COL24A1: variants seen among roughly 807,000 people sequenced by gnomAD.
COL24A1 encodes collagen alpha-1(XXIV) chain.
A neutral mutation model predicts 253.9 loss-of-function variants in COL24A1; 224 were observed. That is an observed-to-expected ratio of 0.88 (90% CI 0.79 to 0.99). The LOEUF is 0.99. Ranked by LOEUF, COL24A1 falls within the 50% of genes least tolerant of loss-of-function variation. The probability of loss-of-function intolerance (pLI) is 0.00; values close to 1 mark genes in which losing one functional copy is unlikely to be tolerated. For missense variants in COL24A1, 2,131 were observed against 2,068.5 expected (o/e 1.03, Z -0.59); for synonymous variants, 685 against 673.7 (o/e 1.02, Z -0.26).
intron 12 of COL24A1, among the ~76,000 whole-genome samples, chr1:86,043,775 C>T (rs1382420362): frequency 3.3e-5 from 5 of 152,148 alleles, no homozygotes; most frequent in Non-Finnish European, 7.4e-5. Context: ...ATCCGCCCGC[C>T]TCGGCCCCCC....
chr1:85,915,443 T>C (rs2102965206), intron 24 of COL24A1, among the ~76,000 whole-genome samples: 1 of 152,290 alleles, frequency 6.6e-6, no homozygotes, highest in South Asian at 2.1e-4. Flanking sequence ...GTGAGATTTT[T>C]TTTTAGCCCC....
intron 19 of COL24A1, among the ~76,000 whole-genome samples, chr1:86,014,197 T>C (rs1352763924): frequency 2.6e-5 from 4 of 152,220 alleles, no homozygotes; most frequent in Non-Finnish European, 5.9e-5. Context: ...TACTGATTCG[T>C]TCTCATTCAC....
At chr1:86,030,978 A>C (rs1204268567) in intron 14 of COL24A1, among the ~76,000 whole-genome samples, 1 of 152,166 alleles carries the variant, frequency 6.6e-6, no homozygotes, top group Admixed American at 6.6e-5. Context: ...AAAGGCTATC[A>C]GCATACTGAA....
At chr1:85,770,274 A>C (rs543912736) in intron 53 of COL24A1, among the ~76,000 whole-genome samples, 5 of 151,054 alleles carry the variant, frequency 3.3e-5, no homozygotes, top group Non-Finnish European at 7.4e-5. Flanking sequence ...ACTGCAACTT[A>C]ATTATTCTGA....
At chr1:85,866,227 C>A (rs1309733678) in intron 37 of COL24A1, among the ~76,000 whole-genome samples, 1 of 152,216 alleles carries the variant, frequency 6.6e-6, no homozygotes, top group Non-Finnish European at 1.5e-5. Flanking sequence ...CGTGCCACTG[C>A]ACTTCTGGGT....
At chr1:85,990,886 G>T (rs1212185045) in intron 19 of COL24A1, among the ~76,000 whole-genome samples, 1 of 152,156 alleles carries the variant, frequency 6.6e-6, no homozygotes, top group Non-Finnish European at 1.5e-5. Flanking sequence ...CAAAGGTGAA[G>T]AATCAAGAAT....
intron 1 of COL24A1, among the ~76,000 whole-genome samples, chr1:86,153,175 G>T (rs1653002164): frequency 6.6e-6 from 1 of 152,040 alleles, no homozygotes; most frequent in Admixed American, 6.6e-5. Flanking sequence ...CATTTCCTTT[G>T]GTTACCTTTT....
At chr1:86,098,807 A>G (rs1236689404) in intron 5 of COL24A1, among the ~76,000 whole-genome samples, 2 of 152,222 alleles carry the variant, frequency 1.3e-5, no homozygotes, top group Non-Finnish European at 2.9e-5. Context: ...AATAAAAATG[A>G]ACAGTCTTCA....
chr1:85,915,452 C>T (rs928127277), intron 24 of COL24A1, among the ~76,000 whole-genome samples: 1 of 151,886 alleles, frequency 6.6e-6, no homozygotes, highest in Non-Finnish European at 1.5e-5. Context: ...TTTTTTAGCC[C>T]CCCACAATCA....
chr1:85,918,189 A>G (rs972675064), intron 24 of COL24A1, among the ~76,000 whole-genome samples: 1 of 144,560 alleles, frequency 6.9e-6, no homozygotes. Context: ...AGCTTTCCTT[A>G]TTTCTATGTC....
intron 22 of COL24A1, 115 bp from the exon 23 acceptor site, chr1:85,965,177 A>T: frequency 5.3e-6 from 4 of 750,870 alleles, no homozygotes; most frequent in African/African-American, 1.8e-5. Flanking sequence ...ATACTTTAAA[A>T]TTATTTGATA....
intron 7 of COL24A1, among the ~76,000 whole-genome samples, chr1:86,076,811 C>A (rs1702285985): frequency 6.6e-6 from 1 of 152,142 alleles, no homozygotes; most frequent in African/African-American, 2.4e-5. Context: ...TGAAACCAGA[C>A]CCCTTCCTTA....
chr1:85,884,217 C>T (rs1238647972), intron 32 of COL24A1, among the ~76,000 whole-genome samples: 3 of 152,038 alleles, frequency 2.0e-5, no homozygotes, highest in African/African-American at 7.2e-5. Flanking sequence ...TCTCTGTAGA[C>T]TGTTTTTGCC....
chr1:85,746,742 C>T (rs1008276685), intron 55 of COL24A1, among the ~76,000 whole-genome samples: 2 of 152,164 alleles, frequency 1.3e-5, no homozygotes, highest in Non-Finnish European at 2.9e-5. Flanking sequence ...GAAGCAGCAA[C>T]CTGGCACAAA....
At chr1:86,064,938 T>G (rs941825393) in intron 7 of COL24A1, among the ~76,000 whole-genome samples, 1 of 152,098 alleles carries the variant, frequency 6.6e-6, no homozygotes, top group Non-Finnish European at 1.5e-5. Context: ...TTACATAACA[T>G]ATTACATATT....
At chr1:86,150,267 A>G (rs1241851904) in intron 1 of COL24A1, among the ~76,000 whole-genome samples, 4 of 152,192 alleles carry the variant, frequency 2.6e-5, no homozygotes, top group African/African-American at 9.6e-5. Context: ...TGACTTTGTT[A>G]TACTCCTATA....
intron 24 of COL24A1, among the ~76,000 whole-genome samples, chr1:85,958,621 T>C (rs1196698178): frequency 1.3e-5 from 2 of 152,168 alleles, no homozygotes; most frequent in African/African-American, 4.8e-5. Flanking sequence ...TATTCTTGCC[T>C]ACATTAAACC....
At chr1:85,964,569 A>C (rs1325811925) in intron 23 of COL24A1, among the ~76,000 whole-genome samples, 1 of 152,174 alleles carries the variant, frequency 6.6e-6, no homozygotes, top group East Asian at 1.9e-4. Context: ...ATATAGATAC[A>C]GATACAGACA....
At chr1:85,902,627 G>A (rs1348662628) in intron 28 of COL24A1, among the ~76,000 whole-genome samples, 2 of 152,168 alleles carry the variant, frequency 1.3e-5, no homozygotes, top group African/African-American at 2.4e-5. Context: ...TCCTGCTGAA[G>A]AGCCCACTGA....
Sources: gnomAD v4.1 joint callset for allele counts (sites outside exome capture counted in the v4.1 genomes callset) on GRCh38, gnomAD v4.1.1 for gene constraint, MANE v1.5 for transcripts, NCBI Gene and HGNC (gene_info 2026-07-23, HGNC 2026-07-21) for gene names.